The following SEMA3A variants were observed in gnomAD, a reference collection of about 807,000 sequenced individuals.
SEMA3A encodes the protein semaphorin 3A, also known as semaphorin-3A.
Under a neutral mutation model 97.9 loss-of-function variants are expected in SEMA3A, and 29 were observed. The observed-to-expected ratio is 0.30, with a 90% CI of 0.22 to 0.40. The LOEUF is 0.40. SEMA3A is among the 10% of genes least tolerant of loss of function. The pLI is 1.00. For missense variants in SEMA3A, 763 were observed against 951.3 expected, an observed-to-expected ratio of 0.80 and a Z score of 2.60; for synonymous variants, 321 against 323.7, an observed-to-expected ratio of 0.99 and a Z score of 0.09.
intron 3 of SEMA3A, among the ~76,000 whole-genome samples, chr7:84,248,123 G>A (rs750745240): frequency 2.0e-5 from 3 of 151,918 alleles, no homozygotes; most frequent in Admixed American, 6.6e-5. Context: ...TATAAAAACC[G>A]GCATATGTGG....
At chr7:84,411,005 A>T (rs1804250105) in intron 1 of SEMA3A, among the ~76,000 whole-genome samples, 1 of 152,094 alleles carries the variant, frequency 6.6e-6, no homozygotes, top group Non-Finnish European at 1.5e-5. Context: ...AAGGTTTAAG[A>T]TAGAGGAATA....
intron 3 of SEMA3A, among the ~76,000 whole-genome samples, chr7:84,115,160 T>G (rs1428339944): frequency 6.6e-6 from 1 of 152,134 alleles, no homozygotes; most frequent in Non-Finnish European, 1.5e-5. Context: ...GCCAGTTATT[T>G]TGGTATGTAG....
At chr7:84,223,215 G>A (rs990487652) in intron 3 of SEMA3A, among the ~76,000 whole-genome samples, 7 of 151,752 alleles carry the variant, frequency 4.6e-5, no homozygotes, top group African/African-American at 1.2e-4. Flanking sequence ...AATGTTTCAC[G>A]AAGAAGAAAT....
chr7:83,978,887 T>C (rs1789278011), intron 14 of SEMA3A, among the ~76,000 whole-genome samples: 1 of 152,186 alleles, frequency 6.6e-6, no homozygotes, highest in Non-Finnish European at 1.5e-5. Context: ...AAGTAAAATC[T>C]GTAAGGCATA....
chr7:84,031,154 C>T (rs1225470611), intron 6 of SEMA3A, among the ~76,000 whole-genome samples: 2 of 151,528 alleles, frequency 1.3e-5, no homozygotes, highest in African/African-American at 2.4e-5. Flanking sequence ...CACCACGCCT[C>T]GCTAGTTTTT....
intron 4 of SEMA3A, among the ~76,000 whole-genome samples, chr7:84,106,801 T>A (rs974355489): frequency 6.6e-6 from 1 of 152,138 alleles, no homozygotes; most frequent in Non-Finnish European, 1.5e-5. Flanking sequence ...GAAAACAGAA[T>A]GTAAGATGAT....
chr7:84,023,516 A>C (rs1791402365), intron 6 of SEMA3A, among the ~76,000 whole-genome samples: 1 of 152,202 alleles, frequency 6.6e-6, no homozygotes, highest in Non-Finnish European at 1.5e-5. Flanking sequence ...ATTAATAATT[A>C]TAAACTCTCT....
intron 15 of SEMA3A, among the ~76,000 whole-genome samples, chr7:83,975,038 A>AT (rs1789089094): frequency 6.6e-6 from 1 of 152,140 alleles, no homozygotes; most frequent in African/African-American, 2.4e-5. Context: ...GCCATTCTAT[A>AT]TGCCAAATTT....
chr7:84,490,632 T>C (rs531784403), intron 1 of SEMA3A, among the ~76,000 whole-genome samples: 1 of 152,320 alleles, frequency 6.6e-6, no homozygotes, highest in African/African-American at 2.4e-5. Flanking sequence ...GTTGCTATCA[T>C]ATAAAAGCAA....
At chr7:84,345,427 C>T (rs1802274778) in intron 2 of SEMA3A, among the ~76,000 whole-genome samples, 1 of 152,122 alleles carries the variant, frequency 6.6e-6, no homozygotes, top group Admixed American at 6.5e-5. Flanking sequence ...TTGGCTCTTT[C>T]ATTCACAAAA....
intron 6 of SEMA3A, among the ~76,000 whole-genome samples, chr7:84,040,745 A>T (rs1007991419): frequency 6.6e-6 from 1 of 152,106 alleles, no homozygotes; most frequent in African/African-American, 2.4e-5. Flanking sequence ...TAGTGACTCT[A>T]GAAGAGGAAA....
At chr7:84,281,079 G>A in intron 3 of SEMA3A, among the ~76,000 whole-genome samples, 1 of 152,110 alleles carries the variant, frequency 6.6e-6, no homozygotes. Flanking sequence ...TCACTGGTAT[G>A]TTAGAAACTG....
chr7:84,073,369 G>C (rs1353944753), intron 4 of SEMA3A, among the ~76,000 whole-genome samples: 15 of 151,960 alleles, frequency 9.9e-5, no homozygotes, highest in Non-Finnish European at 1.9e-4. Context: ...ATTCTATCTA[G>C]AGAAAATAGC....
At chr7:84,363,023 G>C (rs1407729124) in intron 2 of SEMA3A, among the ~76,000 whole-genome samples, 1 of 151,878 alleles carries the variant, frequency 6.6e-6, no homozygotes, top group Non-Finnish European at 1.5e-5. Flanking sequence ...TGTACAACTA[G>C]CTAGAGCAGG....
At chr7:84,072,102 A>T (rs996241035) in intron 4 of SEMA3A, among the ~76,000 whole-genome samples, 1 of 152,102 alleles carries the variant, frequency 6.6e-6, no homozygotes, top group Non-Finnish European at 1.5e-5. Context: ...TGTTATTATT[A>T]ATATATTATT....
chr7:84,230,951 GT>G (rs1207707444), intron 3 of SEMA3A, among the ~76,000 whole-genome samples: 1 of 151,762 alleles, frequency 6.6e-6, no homozygotes, highest in Non-Finnish European at 1.5e-5. Context: ...AGCATTTACA[GT>G]TTACCCCCCA....
chr7:84,457,344 A>C (rs1399930754), intron 1 of SEMA3A, among the ~76,000 whole-genome samples: 2 of 151,938 alleles, frequency 1.3e-5, no homozygotes, highest in Non-Finnish European at 2.9e-5. Flanking sequence ...TGAGTAATCA[A>C]AATCTACATG....
At chr7:84,456,651 T>C (rs190092333) in intron 1 of SEMA3A, among the ~76,000 whole-genome samples, 1 of 151,918 alleles carries the variant, frequency 6.6e-6, no homozygotes. Context: ...TACAGTAAAG[T>C]CTTTAGAAAA....
chr7:84,401,026 T>C (rs531066828), intron 1 of SEMA3A, among the ~76,000 whole-genome samples: 101 of 147,490 alleles, frequency 6.8e-4, no homozygotes, highest in Non-Finnish European at 1.2e-3. Flanking sequence ...GCAAGAGCAA[T>C]TGGACAAGAG....
Sources: gnomAD v4.1 joint callset for allele counts (sites outside exome capture counted in the v4.1 genomes callset) on GRCh38, gnomAD v4.1.1 for gene constraint, MANE v1.5 for transcripts, NCBI Gene and HGNC (gene_info 2026-07-23, HGNC 2026-07-21) for gene names.